Variants in ZBTB40 observed in about 807,000 individuals in gnomAD.
ZBTB40 encodes zinc finger and BTB domain-containing protein 40.
ZBTB40 carries 60 observed loss-of-function variants against 117.5 expected under a neutral mutation model. The ratio of observed to expected loss-of-function variants is 0.51; its 90% CI spans 0.41 to 0.63. ZBTB40 has a LOEUF of 0.63. Among genes scored for constraint, ZBTB40 ranks in the 30% least tolerant of loss-of-function variants. The pLI is 0.00. For missense variants in ZBTB40, 1,287 were observed against 1,498.5 expected, an observed-to-expected ratio of 0.86 and a Z score of 2.33; for synonymous variants, 525 against 577.1, an observed-to-expected ratio of 0.91 and a Z score of 1.29.
intron 9 of ZBTB40, 143 bp downstream of exon 9, chr1:22,509,376 T>A: frequency 8.0e-7 from 1 of 1,245,186 alleles, no homozygotes; most frequent in Non-Finnish European, 1.1e-6. Context: ...AGACAGAGTC[T>A]TGCTCTGTCG....
At chr1:22,469,499 C>T (rs1176871449) in intron 1 of ZBTB40, among the ~76,000 whole-genome samples, 1 of 152,044 alleles carries the variant, frequency 6.6e-6, no homozygotes, top group African/African-American at 2.4e-5. Flanking sequence ...TAATAGTCAC[C>T]TAAATGTTTT....
chr1:22,433,996 T>C (rs1157285485), intron 1 of ZBTB40, among the ~76,000 whole-genome samples: 1 of 152,096 alleles, frequency 6.6e-6, no homozygotes, highest in Non-Finnish European at 1.5e-5. Flanking sequence ...AGTGCAATTA[T>C]TGGGTCACTG....
intron 1 of ZBTB40, among the ~76,000 whole-genome samples, chr1:22,433,778 G>C (rs1640634177): frequency 6.6e-6 from 1 of 151,678 alleles, no homozygotes; most frequent in African/African-American, 2.4e-5. Flanking sequence ...CTGGGTGACA[G>C]AGTGAGACTC....
chr1:22,522,854 C>T (rs182013409), intron 16 of ZBTB40, among the ~76,000 whole-genome samples: 1 of 150,700 alleles, frequency 6.6e-6, no homozygotes, highest in Admixed American at 6.6e-5. Context: ...CAACCTCCAT[C>T]TCCTGGGTTC....
intron 1 of ZBTB40, among the ~76,000 whole-genome samples, chr1:22,429,674 A>G (rs1338933877): frequency 6.6e-6 from 1 of 152,156 alleles, no homozygotes; most frequent in Non-Finnish European, 1.5e-5. Context: ...ATTCATGGGA[A>G]ATCTACATTT....
intron 1 of ZBTB40, among the ~76,000 whole-genome samples, chr1:22,470,792 G>A (rs1641385245): frequency 6.6e-6 from 1 of 152,224 alleles, no homozygotes; most frequent in African/African-American, 2.4e-5. Context: ...GTGCCGTGTA[G>A]TTGGCCCTCA....
At chr1:22,448,993 T>G (rs1640822605), upstream of ZBTB40, among the ~76,000 whole-genome samples, 1 of 152,054 alleles carries the variant, frequency 6.6e-6, no homozygotes, top group African/African-American at 2.4e-5. Context: ...TTTTTGTATT[T>G]TTAGTAGAGA....
chr1:22,493,444 T>C (rs765489336), intron 3 of ZBTB40, among the ~76,000 whole-genome samples: 20 of 152,230 alleles, frequency 1.3e-4, no homozygotes, highest in Non-Finnish European at 2.6e-4. Flanking sequence ...TCTCTCTCTC[T>C]GTCTCTCTCT....
intron 1 of ZBTB40, among the ~76,000 whole-genome samples, chr1:22,457,503 G>T (rs953772245): frequency 6.6e-6 from 1 of 152,202 alleles, no homozygotes; most frequent in African/African-American, 2.4e-5. Flanking sequence ...TTTTCCATCT[G>T]TCTGACCCCT....
intron 1 of ZBTB40, among the ~76,000 whole-genome samples, chr1:22,468,264 G>A (rs1285682546): frequency 3.3e-5 from 5 of 152,046 alleles, no homozygotes; most frequent in Non-Finnish European, 7.4e-5. Context: ...AAGTGTTCAA[G>A]TTAGTTCTGC....
chr1:22,489,836 T>TG, intron 1 of ZBTB40, 44 bp from the exon 2 acceptor site: 2 of 971,690 alleles, frequency 2.1e-6, no homozygotes, highest in South Asian at 2.6e-5. Context: ...CCTTTCCCTA[T>TG]GGTTTTTTGA....
At position 22,529,539 on chromosome 1, in the gene ZBTB40, G is replaced by T. The variant is rs1471937589; in HGVS notation, c.*3143G>T. ...AGCAAATAGATGATTCAAGAGCAAG[G>T]ATTACTGCGGGAAGGTGAGACTCCT... On this transcript the variant is annotated 3_prime_UTR_variant, in exon 18 of 18. Coordinates refer to ENST00000375647, the MANE Select transcript of ZBTB40 (RefSeq NM_014870.4). 1 of 152,366 alleles carries T rather than the reference G, an allele frequency of 6.6e-6. No individual in the cohort carries two copies. The highest frequency in any genetic ancestry group is 1.5e-5 in the Non-Finnish European group (1 of 68,084). 9.4% of individuals were successfully genotyped at this position (152,366 alleles called of 1,614,324 possible). A position where few individuals can be genotyped will look rare whatever the true frequency, so the allele number is the denominator to read the frequency against.
At chr1:22,468,028 G>A (rs1354229234) in intron 1 of ZBTB40, among the ~76,000 whole-genome samples, 1 of 151,164 alleles carries the variant, frequency 6.6e-6, no homozygotes, top group East Asian at 1.9e-4. Flanking sequence ...GGTCAAGGCT[G>A]CAGTGAGCCA....
At chr1:22,488,504 A>G (rs910796142) in intron 1 of ZBTB40, among the ~76,000 whole-genome samples, 2 of 152,164 alleles carry the variant, frequency 1.3e-5, no homozygotes, top group African/African-American at 2.4e-5. Flanking sequence ...AGGCACAGAT[A>G]TACTAAGCAT....
At chr1:22,478,241 A>G (rs532784275) in intron 1 of ZBTB40, among the ~76,000 whole-genome samples, 17 of 151,296 alleles carry the variant, frequency 1.1e-4, no homozygotes, top group African/African-American at 4.1e-4. Context: ...CTGTGCTATA[A>G]TTTTCTTTTT....
At chr1:22,458,138 C>G (rs955879222) in intron 1 of ZBTB40, among the ~76,000 whole-genome samples, 1 of 152,222 alleles carries the variant, frequency 6.6e-6, no homozygotes, top group African/African-American at 2.4e-5. Context: ...GCTATAATCT[C>G]TTGTCCTGGA....
At chr1:22,444,409 C>T (rs1016988733) in intron 1 of ZBTB40, among the ~76,000 whole-genome samples, 21 of 151,804 alleles carry the variant, frequency 1.4e-4, no homozygotes, top group African/African-American at 3.9e-4. Flanking sequence ...AGAGAGACTC[C>T]GTCTCAAAAT....
chr1:22,508,618 C>T lies in ZBTB40; in HGVS notation c.1586C>T (p.Ala529Val), dbSNP rs757202869. The T allele has an allele frequency of 1.9e-6, 3 of 1,614,194 alleles. No individual in the cohort carries two copies. Among genetic ancestry groups the T allele is most frequent in the East Asian group, 4.5e-5 (2 of 44,882 alleles). ...SAVLEKQTLSATAIWQLLLVV... is the reference protein window; with the variant it reads ...SAVLEKQTLSVTAIWQLLLVV... ...GTTCTAGAAAAGCAGACTCTCTCTG[C>T]CACAGCCATTTGGCAACTGCTGCTG... The change falls in exon 8 of 18, where the codon GCC becomes GTC. Residue 529 changes from alanine (A) to valine (V), a missense_variant. Transcript: ENST00000375647.
Position 22,526,784 on chromosome 1 carries a change from CAGTT to C in ZBTB40, c.*391_*394del, listed in dbSNP as rs1639691062. ...CGACAGCGCTCAGTGGGCAGAATGG[CAGTT>C]AGATATGGGACTTGGCCCACAGTGG... On this transcript the variant is annotated 3_prime_UTR_variant, in exon 18 of 18. Coordinates refer to ENST00000375647, the MANE Select transcript of ZBTB40 (RefSeq NM_014870.4). 1.3e-5 allele frequency: 4 copies of C among 315,998 alleles called. No homozygotes were observed. Among genetic ancestry groups the C allele is most frequent in the South Asian group, 1.1e-4 (4 of 36,232 alleles). 19.6% of individuals were successfully genotyped at this position (315,998 alleles called of 1,614,324 possible).
Sources: gnomAD v4.1 joint callset for allele counts (sites outside exome capture counted in the v4.1 genomes callset) on GRCh38, gnomAD v4.1.1 for gene constraint, MANE v1.5 for transcripts, NCBI Gene and HGNC (gene_info 2026-07-23, HGNC 2026-07-21) for gene names.